Variants in ST3GAL5 observed in about 807,000 individuals in gnomAD.
The protein encoded by ST3GAL5 is ST3 beta-galactoside alpha-2,3-sialyltransferase 5.
Under a neutral mutation model 46.1 loss-of-function variants are expected in ST3GAL5, and 25 were observed. The observed-to-expected ratio is 0.54, with a 90% CI of 0.40 to 0.76. The LOEUF is 0.76. ST3GAL5 is among the 30% of genes least tolerant of loss of function. ST3GAL5 has a pLI of 0.00. For missense variants in ST3GAL5, 431 were observed against 521.2 expected (o/e 0.83, Z 1.69); for synonymous variants, 182 against 192.7 (o/e 0.94, Z 0.46).
chr2:85,861,724 C>T (rs574899203), intron 2 of ST3GAL5, among the ~76,000 whole-genome samples: 4 of 150,862 alleles, frequency 2.7e-5, no homozygotes, highest in South Asian at 2.1e-4. Flanking sequence ...GAAGTGAGGC[C>T]GACTGGGAAA....
At chr2:85,865,425 A>G (rs978637995) in intron 1 of ST3GAL5, among the ~76,000 whole-genome samples, 1 of 152,168 alleles carries the variant, frequency 6.6e-6, no homozygotes, top group Non-Finnish European at 1.5e-5. Flanking sequence ...TCTGTGTAGC[A>G]AGAGTTTTTA....
chr2:85,886,259 C>T (rs1377573838), intron 1 of ST3GAL5, among the ~76,000 whole-genome samples: 1 of 152,094 alleles, frequency 6.6e-6, no homozygotes, highest in Non-Finnish European at 1.5e-5. Context: ...CAGTGGGAGC[C>T]GTCTCTACAA....
chr2:85,875,489 G>A (rs1474902513), intron 1 of ST3GAL5: 1 of 151,926 alleles, frequency 6.6e-6, no homozygotes, highest in African/African-American at 2.4e-5. Context: ...AAGCAGGGTT[G>A]GGTGACAACA....
chr2:85,874,164 C>T (rs527979785), intron 1 of ST3GAL5, among the ~76,000 whole-genome samples: 5 of 152,180 alleles, frequency 3.3e-5, no homozygotes, highest in East Asian at 3.8e-4. Context: ...CAGTGATTCT[C>T]GTGCTTTTTA....
chr2:85,886,455 G>A (rs1027602195), intron 1 of ST3GAL5, among the ~76,000 whole-genome samples: 1 of 152,040 alleles, frequency 6.6e-6, no homozygotes, highest in Non-Finnish European at 1.5e-5. Context: ...TGATCTAAGT[G>A]CTGAGTGCAT....
intron 1 of ST3GAL5, among the ~76,000 whole-genome samples, chr2:85,871,672 ACACATGG>A (rs1685942838): frequency 6.6e-6 from 1 of 152,200 alleles, no homozygotes; most frequent in Non-Finnish European, 1.5e-5. Context: ...GCCAGAGGAC[ACACATGG>A]GTAGACACAG....
chr2:85,873,508 C>A (rs1004006991), intron 1 of ST3GAL5, among the ~76,000 whole-genome samples: 2 of 152,104 alleles, frequency 1.3e-5, no homozygotes, highest in African/African-American at 2.4e-5. Flanking sequence ...TACCACAGCA[C>A]TCTGGGCACC....
chr2:85,877,712 C>T (rs1271170614), intron 1 of ST3GAL5, among the ~76,000 whole-genome samples: 1 of 152,078 alleles, frequency 6.6e-6, no homozygotes, highest in Non-Finnish European at 1.5e-5. Context: ...TCAGTATCCA[C>T]CAGTAGATTC....
At chr2:85,861,005 G>GGTGGGTTTTTAGAAGAA in intron 3 of ST3GAL5, 176 bp downstream of exon 3, 1 of 618,140 alleles carries the variant, frequency 1.6e-6, no homozygotes, top group Non-Finnish European at 2.9e-6. Context: ...AGTAGTTAGT[G>GGTGGGTTTTTAGAAGAA]GTGGGTTTTT....
intron 1 of ST3GAL5, among the ~76,000 whole-genome samples, chr2:85,874,773 A>G (rs1483325610): frequency 6.6e-6 from 1 of 151,492 alleles, no homozygotes; most frequent in Admixed American, 6.6e-5. Context: ...GTGAATGAAC[A>G]GAAGAATGAA....
intron 1 of ST3GAL5, among the ~76,000 whole-genome samples, chr2:85,873,846 C>G (rs890831612): frequency 1.3e-5 from 2 of 152,228 alleles, no homozygotes; most frequent in African/African-American, 4.8e-5. Context: ...TCCCACACTT[C>G]ATCCCCAGAA....
At chr2:85,856,446 T>G (rs1220472736) in intron 3 of ST3GAL5, 2 of 152,210 alleles carry the variant, frequency 1.3e-5, no homozygotes, top group African/African-American at 4.8e-5. Context: ...AGGGAGTGAC[T>G]ATGAATGGAT....
intron 6 of ST3GAL5, among the ~76,000 whole-genome samples, chr2:85,840,730 G>T (rs1015961383): frequency 2.6e-5 from 4 of 151,988 alleles, no homozygotes; most frequent in African/African-American, 9.7e-5. Flanking sequence ...CGGATCACGA[G>T]GTCAAGAGTT....
chr2:85,866,753 A>C (rs879504882), intron 1 of ST3GAL5, among the ~76,000 whole-genome samples: 17 of 152,234 alleles, frequency 1.1e-4, no homozygotes, highest in Non-Finnish European at 1.9e-4. Context: ...TTTCTTTTGC[A>C]GACTCCTGGA....
chr2:85,848,203 CT>C lies in ST3GAL5; in HGVS notation c.319del (p.Arg107GlufsTer81). ...MHYVDPDHVKRAQKYAQQVLQ... is the reference protein window; with the variant it reads ...MHYVDPDHVKXAQKYAQQVLQ... ...GACTTGCTGAGCATATTTCTGAGCT[CT>C]CTGGAATGAAATCACACCAATCTGG... On this transcript the variant is annotated frameshift_variant and splice_region_variant, in exon 4 of 7. Transcript: ENST00000638572. LOFTEE classifies it high-confidence loss of function. 1 of 1,614,168 alleles carries C rather than the reference CT, an allele frequency of 6.2e-7. No individual in the cohort carries two copies. Among genetic ancestry groups the C allele is most frequent in the Non-Finnish European group, 8.5e-7 (1 of 1,180,008 alleles).
At chr2:85,876,471 T>A (rs1016022568) in intron 1 of ST3GAL5, among the ~76,000 whole-genome samples, 1 of 147,596 alleles carries the variant, frequency 6.8e-6, no homozygotes, top group African/African-American at 2.5e-5. Context: ...CCTTTTTTTT[T>A]TTTTTTTTTT....
intron 1 of ST3GAL5, chr2:85,870,282 AG>A (rs1006507714): frequency 2.1e-6 from 1 of 467,084 alleles, no homozygotes; most frequent in Non-Finnish European, 4.5e-6. Flanking sequence ...AGGCATATAA[AG>A]GGCATCCATA....
In ST3GAL5 at chr2:85,888,950, C is replaced by G. The variant is rs1370170551; in HGVS notation, c.-45G>C. 1 of 1,248,760 alleles carries G rather than the reference C, an allele frequency of 8.0e-7. No homozygotes were observed. Among genetic ancestry groups the G allele is most frequent in the Non-Finnish European group, 1.0e-6 (1 of 991,278 alleles). The allele number at this position is 1,248,760 out of a possible 1,614,324, so 77.4% of individuals were successfully genotyped here. On this transcript the variant is annotated 5_prime_UTR_variant, in exon 1 of 7. Transcript: ENST00000638572. The stretch of plus-strand genomic sequence containing the variant: ...CCGGCCGCCAGCCCGGTACCCCGCG[C>G]CCCCACCCGCCCCCAGCGCCGCTCT...
intron 5 of ST3GAL5, chr2:85,845,991 T>G: frequency 8.8e-6 from 2 of 226,342 alleles, no homozygotes; most frequent in Non-Finnish European, 1.8e-5. Context: ...AGGTCAGGAG[T>G]TTGAGACCAG....
Sources: allele counts gnomAD v4.1 joint callset (sites outside exome capture counted in the v4.1 genomes callset), GRCh38; gene constraint gnomAD v4.1.1; transcripts MANE v1.5; gene names NCBI Gene and HGNC (gene_info 2026-07-23, HGNC 2026-07-21).